PPP6R2: variants seen among roughly 807,000 people sequenced by gnomAD.
PPP6R2 encodes serine/threonine-protein phosphatase 6 regulatory subunit 2.
PPP6R2 carries 62 observed loss-of-function variants against 100.2 expected under a neutral mutation model. The observed-to-expected ratio is 0.62, with a 90% CI of 0.50 to 0.76. The LOEUF (loss-of-function observed/expected upper bound fraction) is 0.76. PPP6R2 is among the 30% of genes least tolerant of loss of function. The pLI is 0.00. For synonymous variants in PPP6R2, 525 were observed against 514.7 expected (o/e 1.02, Z -0.27); for missense variants, 1,142 against 1,276.3 (o/e 0.89, Z 1.60).
In PPP6R2 at chr22:50,406,597, G is replaced by T. The variant is rs184342780; in HGVS notation, c.228-92G>T. On this transcript the variant is annotated intron_variant, in intron 3 of 23. Coordinates refer to ENST00000612753, the MANE Select transcript of PPP6R2 (RefSeq NM_001242898.2). ...CTGTAGTGTTTGTTTGATCACGTGGGTCTGCTTCCTAAGAAGCAGACTATG... is the reference window on the plus strand; with the variant it reads ...CTGTAGTGTTTGTTTGATCACGTGGTTCTGCTTCCTAAGAAGCAGACTATG... The T allele has an allele frequency of 4.6e-5, 56 of 1,210,552 alleles. 1 individual carries two copies. In the Admixed American group the frequency reaches 1.1e-3, roughly 23 times the overall value. 75.0% of individuals were successfully genotyped at this position (1,210,552 alleles called of 1,614,324 possible).
Position 50,438,736 on chromosome 22 carries a change from CG to C in PPP6R2, c.2103del (p.Pro703LeufsTer29). On this transcript the variant is annotated frameshift_variant, in exon 19 of 24. Transcript: ENST00000612753. LOFTEE classifies it high-confidence loss of function. ...CCACCGGCCCCCGGGAAGAAGGAAGCGCCCCCTGTGGAGGGTGACTCAGAAG... is the reference window on the plus strand; with the variant it reads ...CCACCGGCCCCCGGGAAGAAGGAAGCCCCCCTGTGGAGGGTGACTCAGAAG... ...GAPPAPGKKEAPPVEGDSEGA... is the reference protein window; with the variant it reads ...GAPPAPGKKEXPPVEGDSEGA... 3 of 1,605,924 alleles carry C rather than the reference CG, an allele frequency of 1.9e-6. No individual in the cohort carries two copies. The highest frequency in any genetic ancestry group is 2.6e-6 in the Non-Finnish European group (3 of 1,176,268).
intron 13 of PPP6R2, among the ~76,000 whole-genome samples, chr22:50,435,556 G>A (rs944020911): frequency 6.6e-6 from 1 of 152,214 alleles, no homozygotes; most frequent in Non-Finnish European, 1.5e-5. Flanking sequence ...AGTGGGTTAG[G>A]TGGGCGCAGG....
At chr22:50,340,511 GT>G (rs1569219580), upstream of PPP6R2, among the ~76,000 whole-genome samples, 31 of 94,320 alleles carry the variant, frequency 3.3e-4, no homozygotes, top group African/African-American at 2.4e-3. Context: ...TGTGGTGTGT[GT>G]GTGGTGTGTG....
At chr22:50,354,030 C>A (rs2045907665) in intron 1 of PPP6R2, among the ~76,000 whole-genome samples, 1 of 152,222 alleles carries the variant, frequency 6.6e-6, no homozygotes, top group South Asian at 2.1e-4. Context: ...GGAGGCCGGG[C>A]GCGGTGGCTC....
chr22:50,352,231 G>A (rs540564985), intron 1 of PPP6R2, among the ~76,000 whole-genome samples: 8 of 152,270 alleles, frequency 5.3e-5, no homozygotes, highest in South Asian at 4.1e-4. Context: ...AAGAGCCATC[G>A]CGCCCGGCCG....
At chr22:50,337,677 T>C in the PPP6R2 span, among the ~76,000 whole-genome samples, 1 of 115,776 alleles carries the variant, frequency 8.6e-6, no homozygotes, top group Non-Finnish European at 1.6e-5. Flanking sequence ...TGTGTGTGTG[T>C]GTGCCATATG....
intron 13 of PPP6R2, among the ~76,000 whole-genome samples, chr22:50,435,454 C>T (rs1265910904): frequency 6.6e-6 from 1 of 152,204 alleles, no homozygotes; most frequent in African/African-American, 2.4e-5. Context: ...GCTCTGCACT[C>T]AGGTGATTGG....
At position 50,437,603 on chromosome 22, in the gene PPP6R2, A is replaced by G. The variant is rs756433381; in HGVS notation, c.1781A>G (p.Asn594Ser). 6.2e-7 allele frequency: 1 copy of G among 1,604,136 alleles called. No individual in the cohort carries two copies. The highest frequency in any genetic ancestry group is 1.1e-5 in the South Asian group (1 of 90,842). ...EEFADQDDNI[N>S]APFDRIAEIN... ...TTTGCCGACCAGGACGACAACATCA[A>G]GTGAGTCTACTTGGAGCGCACTCTG... Residue 594 changes from asparagine to serine, a missense_variant and splice_region_variant, in exon 16 of 24, where the codon AAT becomes AGT. Physicochemically the swap from Asn to Ser is conservative, Grantham distance 46. This residue lies in a region of PPP6R2 where 550 missense variants were observed against 517.4 expected (regional missense o/e 1.06). Transcript: ENST00000612753.
At chr22:50,406,083 G>A (rs2058883057) in intron 3 of PPP6R2, among the ~76,000 whole-genome samples, 1 of 146,662 alleles carries the variant, frequency 6.8e-6, no homozygotes, top group Admixed American at 6.7e-5. Context: ...CCTGGCAGGC[G>A]AGTGTGAAGG....
At chr22:50,341,850 G>A (rs1166275989), upstream of PPP6R2, among the ~76,000 whole-genome samples, 3 of 152,146 alleles carry the variant, frequency 2.0e-5, no homozygotes, top group Admixed American at 6.5e-5. Context: ...AAAATTAGCC[G>A]GGCGCGGTGG....
intron 21 of PPP6R2, 68 bp downstream of exon 21, chr22:50,440,117 C>T (rs118129949): frequency 2.5e-5 from 35 of 1,412,728 alleles, no homozygotes; most frequent in Non-Finnish European, 3.3e-5. Context: ...GCTGGCCCCC[C>T]TCCTTGGGGG....
At chr22:50,420,109 C>T (rs1292933013) in intron 8 of PPP6R2, among the ~76,000 whole-genome samples, 1 of 152,208 alleles carries the variant, frequency 6.6e-6, no homozygotes, top group Non-Finnish European at 1.5e-5. Flanking sequence ...ACAGGAGGCC[C>T]GTCTGTGGAC....
At chr22:50,404,260 A>G (rs1001821393) in intron 3 of PPP6R2, among the ~76,000 whole-genome samples, 14 of 151,228 alleles carry the variant, frequency 9.3e-5, no homozygotes, top group Non-Finnish European at 1.9e-4. Context: ...ACACCTGGCT[A>G]ATTTTTGTAT....
intron 1 of PPP6R2, among the ~76,000 whole-genome samples, chr22:50,355,675 C>G (rs1233556550): frequency 6.6e-6 from 1 of 151,490 alleles, no homozygotes; most frequent in Non-Finnish European, 1.5e-5. Context: ...TGCCCGCCAC[C>G]ACACCCAGCT....
In PPP6R2 at chr22:50,396,409, T is replaced by C. The variant is rs553487708; in HGVS notation, c.227+2274T>C. On this transcript the variant is annotated intron_variant, in intron 3 of 23. Coordinates refer to ENST00000612753, the MANE Select transcript of PPP6R2 (RefSeq NM_001242898.2). ...ACTCAGAAGGCTGAGGCAGGAGAAT[T>C]GCTTGAACCTGGGAGGTAGAGGTTT... 2.1e-3 allele frequency among the ~76,000 whole-genome samples: 312 copies of C among 147,558 alleles called. 5 individuals are homozygous for C. The highest frequency in any genetic ancestry group is 7.5e-3 in the African/African-American group (299 of 39,764).
chr22:50,377,653 A>T (rs2051900596), intron 2 of PPP6R2, among the ~76,000 whole-genome samples: 1 of 152,178 alleles, frequency 6.6e-6, no homozygotes. Context: ...AAAAGAGAGA[A>T]TGAGGCAGAT....
chr22:50,422,683 G>A (rs149886031), intron 9 of PPP6R2, among the ~76,000 whole-genome samples: 82 of 152,326 alleles, frequency 5.4e-4, no homozygotes, highest in African/African-American at 1.9e-3. Context: ...CCTGAGAGGG[G>A]ACCAGGGGGT....
At chr22:50,356,825 T>C (rs2046696837) in intron 1 of PPP6R2, among the ~76,000 whole-genome samples, 1 of 151,806 alleles carries the variant, frequency 6.6e-6, no homozygotes, top group South Asian at 2.1e-4. Context: ...TCCCAGCTAC[T>C]TGGGAGGCTG....
chr22:50,356,469 AT>A (rs1333003403), intron 1 of PPP6R2, among the ~76,000 whole-genome samples: 3 of 151,030 alleles, frequency 2.0e-5, no homozygotes, highest in Non-Finnish European at 3.0e-5. Context: ...TGTCCAGCTA[AT>A]TTTTTTTTGT....
Sources: allele counts gnomAD v4.1 joint callset (sites outside exome capture counted in the v4.1 genomes callset), GRCh38; gene constraint gnomAD v4.1.1; regional missense constraint gnomAD v4.1.1; transcripts MANE v1.5; gene names NCBI Gene and HGNC (gene_info 2026-07-23, HGNC 2026-07-21).